Variants in SSH1 observed in about 807,000 individuals in gnomAD.
SSH1 encodes the protein slingshot protein phosphatase 1.
A neutral mutation model predicts 79.7 loss-of-function variants in SSH1; 43 were observed. That is an observed-to-expected ratio of 0.54 (90% CI 0.42 to 0.70). The LOEUF (loss-of-function observed/expected upper bound fraction) is 0.70, where lower values mean the gene tolerates loss of function less well. Ranked by LOEUF, SSH1 falls within the 30% of genes least tolerant of loss-of-function variation. SSH1 has a pLI of 0.00. For synonymous variants in SSH1, 599 were observed against 538.3 expected (o/e 1.11, Z -1.56); for missense variants, 1,206 against 1,358.8 (o/e 0.89, Z 1.77).
intron 2 of SSH1, among the ~76,000 whole-genome samples, chr12:108,840,703 G>C (rs772899170): frequency 9.2e-5 from 14 of 152,178 alleles, no homozygotes; most frequent in Non-Finnish European, 1.6e-4. Context: ...TCCGACCACA[G>C]AACAATGAAT....
rs750964596 is a variant in SSH1 at position 108,807,142 on chromosome 12, C to T, written c.731+491G>A. Reference sequence around the variant, plus strand: ...CATGTCAGCGCTGTCGTAGGTCACACGACACAGGTCATGTGGTTCACCATG... The same window carrying T: ...CATGTCAGCGCTGTCGTAGGTCACATGACACAGGTCATGTGGTTCACCATG... On this transcript the variant is annotated intron_variant, in intron 8 of 14. Coordinates refer to ENST00000326495, the MANE Select transcript of SSH1 (RefSeq NM_018984.4). The surrounding 1 kb of genome is among the most constrained non-coding windows in gnomAD (Gnocchi z 5.2). Among the ~76,000 whole-genome samples the T allele has an allele frequency of 8.5e-5, 13 of 152,208 alleles. No homozygotes were observed. Among genetic ancestry groups the T allele is most frequent in the African/African-American group, 1.2e-4 (5 of 41,454 alleles).
At chr12:108,810,014 G>C (rs1350927707) in intron 6 of SSH1, among the ~76,000 whole-genome samples, 1 of 152,094 alleles carries the variant, frequency 6.6e-6, no homozygotes, top group Non-Finnish European at 1.5e-5. Context: ...CCCTAGCAAA[G>C]GGTGCCAGGT....
chr12:108,829,543 GAC>G (rs2038422914), intron 2 of SSH1, among the ~76,000 whole-genome samples: 1 of 152,306 alleles, frequency 6.6e-6, no homozygotes, highest in African/African-American at 2.4e-5. Context: ...TAAGGGCAAA[GAC>G]AGCCATCCTC....
Position 108,800,041 on chromosome 12 carries a change from C to T in SSH1, c.1148+739G>A, listed in dbSNP as rs117614380. On this transcript the variant is annotated intron_variant, in intron 12 of 14. Transcript: ENST00000326495. ...CCCCTAACTGCTGGTCTGAAGTTTC[C>T]GTCAAGGGAGTCTTGAGTTTGTCTC... Among the ~76,000 whole-genome samples the T allele has an allele frequency of 2.8e-4, 42 of 152,238 alleles. No individual in the cohort carries two copies. The East Asian group carries it at 3.3e-3, about 12-fold the overall frequency.
chr12:108,846,234 C>A (rs1047757780), intron 2 of SSH1, among the ~76,000 whole-genome samples: 1 of 152,046 alleles, frequency 6.6e-6, no homozygotes, highest in Non-Finnish European at 1.5e-5. Flanking sequence ...CAGGCAATCA[C>A]AAATGAGCAA....
rs962679838 is a variant in SSH1 at position 108,782,205 on chromosome 12, A to G, written c.*5783T>C. 6.6e-6 allele frequency: 1 copy of G among 151,272 alleles called. No homozygotes were observed. The highest frequency in any genetic ancestry group is 1.5e-5 in the Non-Finnish European group (1 of 67,862). 9.4% of individuals were successfully genotyped at this position (151,272 alleles called of 1,614,324 possible). A position where few individuals can be genotyped will look rare whatever the true frequency, so the allele number is the denominator to read the frequency against. ...GCCTCCTGAGTGTCCAAGGGAGAAGAGCCACCAAAAGCTGCCTGGGGTGAA... is the reference window on the plus strand; with the variant it reads ...GCCTCCTGAGTGTCCAAGGGAGAAGGGCCACCAAAAGCTGCCTGGGGTGAA... On this transcript the variant is annotated 3_prime_UTR_variant, in exon 15 of 15. Coordinates refer to ENST00000326495, the MANE Select transcript of SSH1 (RefSeq NM_018984.4).
chr12:108,802,502 G>A, intron 10 of SSH1, 134 bp from the exon 11 acceptor site: 2 of 755,630 alleles, frequency 2.6e-6, no homozygotes, highest in East Asian at 5.3e-5. Flanking sequence ...AGAACAGAGA[G>A]AACCAGCGGC....
chr12:108,816,819 A>G (rs1863758838), intron 5 of SSH1, among the ~76,000 whole-genome samples: 1 of 12,888 alleles, frequency 7.8e-5, no homozygotes. Flanking sequence ...TGTCCTCTCA[A>G]TTGACTGAGT....
chr12:108,793,660 T>C (rs1159734410), intron 13 of SSH1, among the ~76,000 whole-genome samples: 2 of 152,142 alleles, frequency 1.3e-5, no homozygotes, highest in East Asian at 1.9e-4. Flanking sequence ...CCTCCCAAAG[T>C]GTTGGGATTA....
At chr12:108,805,689 T>G (rs1171943063) in intron 9 of SSH1, among the ~76,000 whole-genome samples, 2 of 125,436 alleles carry the variant, frequency 1.6e-5, no homozygotes, top group South Asian at 3.3e-4. Flanking sequence ...GAAGACCAAG[T>G]CTCTTAAAAA....
chr12:108,817,087 C>A lies in SSH1; in HGVS notation c.352G>T (p.Asp118Tyr). The A allele has an allele frequency of 1.9e-6, 3 of 1,614,238 alleles. No homozygotes were observed. The highest frequency in any genetic ancestry group is 1.7e-6 in the Non-Finnish European group (2 of 1,180,036). ...CCCAGCAAGATATTCTCCTCGGTGTCCTGGCGCCCGCTGCTGTACACCACC... is the reference window on the plus strand; with the variant it reads ...CCCAGCAAGATATTCTCCTCGGTGTACTGGCGCCCGCTGCTGTACACCACC... ...MVVVYSSGRQ[D>Y]TEENILLGVD... Residue 118 changes from aspartate to tyrosine, a missense_variant, in exon 5 of 15, where the codon GAC (aspartate) becomes TAC (tyrosine). By Grantham distance (160) the Asp-to-Tyr change is radical (BLOSUM62 -3). Coordinates refer to ENST00000326495, the MANE Select transcript of SSH1 (RefSeq NM_018984.4).
At chr12:108,824,151 T>G (rs1027888499) in intron 2 of SSH1, among the ~76,000 whole-genome samples, 1 of 152,214 alleles carries the variant, frequency 6.6e-6, no homozygotes, top group Non-Finnish European at 1.5e-5. Flanking sequence ...GTTTGCATTT[T>G]AAGAAAAGTG....
chr12:108,811,392 A>G, intron 5 of SSH1, 64 bp from the exon 6 acceptor site: 2 of 1,495,038 alleles, frequency 1.3e-6, no homozygotes, highest in South Asian at 2.3e-5. Context: ...CAGCCTTTCC[A>G]GCTCACCACC....
chr12:108,833,804 A>G (rs2038531349), intron 2 of SSH1: 1 of 152,144 alleles, frequency 6.6e-6, no homozygotes. Flanking sequence ...CATTTTAGTT[A>G]ATTTAAATTT....
At chr12:108,853,313 G>T (rs1261167093) in intron 1 of SSH1, 1 of 985,062 alleles carries the variant, frequency 1.0e-6, no homozygotes, top group Non-Finnish European at 1.2e-6. Context: ...CCACGAGTTT[G>T]GGCTCCAGAA....
At position 108,857,485 on chromosome 12, in the gene SSH1, C is replaced by T; in HGVS notation, c.12G>A (p.Val4=). The change falls in exon 1 of 15, where the codon GTG becomes GTA. Residue 4 remains valine (V), a synonymous_variant. Transcript: ENST00000326495. This position sits in a 1 kb window ranked among gnomAD's most constrained non-coding sequence, Gnocchi z 4.7. ...TGGGCGTGGGCGAGCGCTGCAGGGT[C>T]ACCAGGGCCATGGCTGCGGCGCGGT... MAL[V]TLQRSPTPSA... The T allele has an allele frequency of 8.8e-7, 1 of 1,139,320 alleles. No homozygotes were observed. Among genetic ancestry groups the T allele is most frequent in the Non-Finnish European group, 1.1e-6 (1 of 908,948 alleles). The allele number at this position is 1,139,320 out of a possible 1,614,324, so 70.6% of individuals were successfully genotyped here.
chr12:108,807,985 T>A lies in SSH1; in HGVS notation c.537-158A>T, dbSNP rs551869343. 6.6e-6 allele frequency among the ~76,000 whole-genome samples: 1 copy of A among 152,252 alleles called. No individual in the cohort carries two copies. The highest frequency in any genetic ancestry group is 1.5e-5 in the Non-Finnish European group (1 of 68,008). On this transcript the variant is annotated intron_variant, in intron 7 of 14. Coordinates refer to ENST00000326495, the MANE Select transcript of SSH1 (RefSeq NM_018984.4). The surrounding 1 kb of genome is among the most constrained non-coding windows in gnomAD (Gnocchi z 5.2). ...GAGTCTCGCTCTGTCACTCCCAGGC[T>A]AGAGTGCAGTGGCACGTTCTCGGCC...
intron 3 of SSH1, among the ~76,000 whole-genome samples, chr12:108,819,255 G>A (rs2038022637): frequency 6.6e-6 from 1 of 152,178 alleles, no homozygotes; most frequent in South Asian, 2.1e-4. Context: ...ATGTAAAACA[G>A]GCAGTAACCA....
At chr12:108,830,676 C>A (rs1020545226) in intron 2 of SSH1, among the ~76,000 whole-genome samples, 10 of 152,102 alleles carry the variant, frequency 6.6e-5, no homozygotes, top group African/African-American at 1.9e-4. Context: ...ATAATACTCT[C>A]TTTGGAAGCA....
Sources: allele counts gnomAD v4.1 joint callset (sites outside exome capture counted in the v4.1 genomes callset), GRCh38; gene constraint gnomAD v4.1.1; non-coding constraint Gnocchi (gnomAD v3.1); transcripts MANE v1.5; gene names NCBI Gene and HGNC (gene_info 2026-07-23, HGNC 2026-07-21).